Variants in FRYL observed in about 807,000 individuals in gnomAD.
The protein encoded by FRYL is FRY like transcription coactivator.
Under a neutral mutation model 351.2 loss-of-function variants are expected in FRYL, and 150 were observed. The observed-to-expected ratio is 0.43, with a 90% CI of 0.37 to 0.49. The LOEUF (loss-of-function observed/expected upper bound fraction) is 0.49, where lower values mean the gene tolerates loss of function less well. Ranked by LOEUF, FRYL falls within the 20% of genes least tolerant of loss-of-function variation. The pLI is 0.00. For missense variants in FRYL, 3,036 were observed against 3,619.3 expected (o/e 0.84, Z 4.13); for synonymous variants, 1,153 against 1,257.1 (o/e 0.92, Z 1.75).
At chr4:48,508,808 G>A (rs962505597) in intron 59 of FRYL, among the ~76,000 whole-genome samples, 5 of 152,128 alleles carry the variant, frequency 3.3e-5, no homozygotes, top group African/African-American at 4.8e-5. Context: ...TTTGCACTCC[G>A]ACCAGTATGA....
chr4:48,661,992 G>A (rs1760825740), intron 3 of FRYL, among the ~76,000 whole-genome samples: 1 of 152,248 alleles, frequency 6.6e-6, no homozygotes, highest in East Asian at 1.9e-4. Flanking sequence ...AGTAAACTTG[G>A]AGAAATGGAT....
chr4:48,702,126 T>C (rs1403682578), intron 2 of FRYL, among the ~76,000 whole-genome samples: 1 of 152,106 alleles, frequency 6.6e-6, no homozygotes, highest in Admixed American at 6.6e-5. Flanking sequence ...TCTCATACAA[T>C]TCAACGTATA....
At chr4:48,673,526 T>C (rs1205065120) in intron 3 of FRYL, among the ~76,000 whole-genome samples, 5 of 152,240 alleles carry the variant, frequency 3.3e-5, no homozygotes, top group Non-Finnish European at 7.4e-5. Flanking sequence ...TAGCTGGGAC[T>C]ACCGGTGCAT....
In FRYL at chr4:48,760,222, TGCAATCTCA is replaced by T. The variant is rs532915536; in HGVS notation, c.-384+19847_-384+19855del. On this transcript the variant is annotated intron_variant, in intron 1 of 63. Transcript: ENST00000358350. ...TGTGGCCCAGGCTGGAGTGCAGTAGTGCAATCTCAGCTCACTGCAACCCTCTGCCTCCTG... is the reference window on the plus strand; with the variant it reads ...TGTGGCCCAGGCTGGAGTGCAGTAGTGCTCACTGCAACCCTCTGCCTCCTG... 1.1e-4 allele frequency among the ~76,000 whole-genome samples: 16 copies of T among 152,166 alleles called. No homozygotes were observed. The South Asian group carries it at 3.3e-3, about 32-fold the overall frequency.
Position 48,595,978 on chromosome 4 carries a change from C to T in FRYL, c.1058G>A (p.Arg353Gln). The T allele has an allele frequency of 6.3e-7, 1 of 1,598,830 alleles. No homozygotes were observed. Among genetic ancestry groups the T allele is most frequent in the Non-Finnish European group, 8.5e-7 (1 of 1,174,864 alleles). ...TCTATACAAAGATTCCAGTGCAACT[C>T]GAGACATTTTCGGATCTTTATTCTG... ...HLKNKDPKMS[R>Q]VALESLYRLL... The change falls in exon 14 of 64, where the codon CGA becomes CAA. Residue 353 changes from arginine (R) to glutamine (Q), a missense_variant. Arg to Gln is a conservative substitution (Grantham distance 43). Transcript: ENST00000358350.
chr4:48,502,653 A>C (rs980794944), intron 61 of FRYL, among the ~76,000 whole-genome samples, 175 bp downstream of exon 61: 1 of 152,162 alleles, frequency 6.6e-6, no homozygotes, highest in African/African-American at 2.4e-5. Flanking sequence ...TTAACATCTC[A>C]CTATTTTAAA....
intron 60 of FRYL, among the ~76,000 whole-genome samples, chr4:48,503,812 T>C (rs1459798169): frequency 6.6e-6 from 1 of 152,174 alleles, no homozygotes; most frequent in Non-Finnish European, 1.5e-5. Flanking sequence ...TAAACATCAG[T>C]TGAGCACAAT....
intron 1 of FRYL, among the ~76,000 whole-genome samples, chr4:48,755,101 T>C (rs1340577327): frequency 6.6e-6 from 1 of 152,156 alleles, no homozygotes; most frequent in Non-Finnish European, 1.5e-5. Flanking sequence ...TGTGAAGCCA[T>C]CTGGTAGTCA....
intron 55 of FRYL, 61 bp downstream of exon 55, chr4:48,520,987 C>T: frequency 8.1e-7 from 1 of 1,241,120 alleles, no homozygotes. Context: ...AAAGCGGGAG[C>T]TATAAAAGAG....
intron 1 of FRYL, among the ~76,000 whole-genome samples, chr4:48,769,975 T>C (rs955141078): frequency 3.9e-5 from 6 of 152,246 alleles, no homozygotes; most frequent in African/African-American, 1.2e-4. Flanking sequence ...GGGACAGTTC[T>C]ATATCTTGAC....
intron 1 of FRYL, among the ~76,000 whole-genome samples, chr4:48,713,708 T>C (rs1341376638): frequency 6.6e-6 from 1 of 152,092 alleles, no homozygotes; most frequent in African/African-American, 2.4e-5. Context: ...ATTAAACAGA[T>C]CAATGAGATA....
chr4:48,615,110 G>A (rs1035685441), intron 7 of FRYL, among the ~76,000 whole-genome samples: 1 of 152,148 alleles, frequency 6.6e-6, no homozygotes, highest in Non-Finnish European at 1.5e-5. Flanking sequence ...ACAGGCGTGA[G>A]CCACCGCGCC....
rs1218122485 is a variant in FRYL at position 48,600,771 on chromosome 4, T to C, written c.1035+1249A>G. The stretch of plus-strand genomic sequence containing the variant: ...AATTCTCTTTTGGTCCCTATATCTG[T>C]ACAAATTACCAAAAATAAGAACAGA... On this transcript the variant is annotated intron_variant, in intron 13 of 63. Coordinates refer to ENST00000358350, the MANE Select transcript of FRYL (RefSeq NM_015030.2). Among the ~76,000 whole-genome samples, 12 of 152,268 alleles carry C rather than the reference T, an allele frequency of 7.9e-5. No individual in the cohort carries two copies. In the East Asian group the frequency reaches 2.3e-3, roughly 29 times the overall value.
chr4:48,590,385 G>A (rs1481817076), intron 17 of FRYL, among the ~76,000 whole-genome samples: 1 of 152,136 alleles, frequency 6.6e-6, no homozygotes, highest in Admixed American at 6.5e-5. Flanking sequence ...TTGGGAGGCT[G>A]AGGCATGAAA....
At chr4:48,571,624 C>G (rs1738353081) in intron 26 of FRYL, 1 of 984,110 alleles carries the variant, frequency 1.0e-6, no homozygotes, top group Admixed American at 6.1e-5. Flanking sequence ...CTTTCTTGTC[C>G]ATGACCCAAT....
Position 48,499,245 on chromosome 4 carries a change from T to C in FRYL, c.*177A>G. ...TGGGAGATATTGGCAGCTGTTAAAA[T>C]ATCAGATGTTTTTTTCTTTCAGATC... On this transcript the variant is annotated 3_prime_UTR_variant, in exon 64 of 64. Coordinates refer to ENST00000358350, the MANE Select transcript of FRYL (RefSeq NM_015030.2). The C allele has an allele frequency of 1.7e-6, 1 of 590,156 alleles. No homozygotes were observed. Among genetic ancestry groups the C allele is most frequent in the Non-Finnish European group, 3.0e-6 (1 of 335,676 alleles). The allele number at this position is 590,156 out of a possible 1,614,324, so 36.6% of individuals were successfully genotyped here.
intron 50 of FRYL, among the ~76,000 whole-genome samples, chr4:48,529,512 T>C (rs1341201301): frequency 6.6e-6 from 1 of 152,230 alleles, no homozygotes; most frequent in Non-Finnish European, 1.5e-5. Flanking sequence ...CATGCTATTA[T>C]ACATACATCT....
intron 60 of FRYL, among the ~76,000 whole-genome samples, chr4:48,505,126 A>AT (rs2148720453): frequency 1.3e-5 from 2 of 152,290 alleles, no homozygotes; most frequent in South Asian, 4.1e-4. Context: ...AAACATTATA[A>AT]TTTATCCAAT....
intron 3 of FRYL, among the ~76,000 whole-genome samples, chr4:48,661,866 G>A (rs1760798277): frequency 1.3e-5 from 2 of 151,992 alleles, no homozygotes; most frequent in South Asian, 4.2e-4. Flanking sequence ...ATACAATGAA[G>A]AAGAAATAGA....
Sources: allele counts gnomAD v4.1 joint callset (sites outside exome capture counted in the v4.1 genomes callset), GRCh38; gene constraint gnomAD v4.1.1; transcripts MANE v1.5; gene names NCBI Gene and HGNC (gene_info 2026-07-23, HGNC 2026-07-21).